The following EFHC2 variants were observed in gnomAD, a reference collection of about 807,000 sequenced individuals.
EFHC2 encodes the protein EF-hand domain containing 2, also known as EF-hand domain-containing family member C2.
EFHC2 carries 18 observed loss-of-function variants against 52.7 expected under a neutral mutation model. That is an observed-to-expected ratio of 0.34 (90% CI 0.24 to 0.51). EFHC2 has a LOEUF of 0.51. Among genes scored for constraint, EFHC2 ranks in the 20% least tolerant of loss-of-function variants. EFHC2 has a pLI of 0.97. For missense variants in EFHC2, 513 were observed against 562.5 expected (o/e 0.91, Z 0.89); for synonymous variants, 203 against 204.1 (o/e 0.99, Z 0.04).
At chrX:44,162,862 C>A (rs1476788371) in intron 14 of EFHC2, among the ~76,000 whole-genome samples, 1 of 111,495 alleles carries the variant, frequency 9.0e-6, no homozygotes, top group African/African-American at 3.3e-5. Context: ...CGTACCAATT[C>A]CCCCATCAGT....
chrX:44,173,129 G>A (rs983444650), intron 13 of EFHC2, among the ~76,000 whole-genome samples: 1 of 112,171 alleles, frequency 8.9e-6, no homozygotes, highest in East Asian at 2.8e-4. Context: ...ACAATTACTG[G>A]GTGAAAGAAA....
intron 1 of EFHC2, among the ~76,000 whole-genome samples, chrX:44,340,380 G>A (rs939008882): frequency 1.8e-5 from 2 of 111,334 alleles, no homozygotes; most frequent in African/African-American, 3.3e-5. Context: ...AGCCAGGCAC[G>A]GTGGCTCACG....
At chrX:44,288,483 T>A (rs183271305) in intron 2 of EFHC2, among the ~76,000 whole-genome samples, 1 of 110,740 alleles carries the variant, frequency 9.0e-6, no homozygotes, top group African/African-American at 3.3e-5. Flanking sequence ...AGACAATCAC[T>A]AACATTTGGA....
At position 44,148,054 on chromosome X, in the gene EFHC2, A is replaced by G. The variant is rs2036534760; in HGVS notation, c.*741T>C. On this transcript the variant is annotated 3_prime_UTR_variant, in exon 15 of 15. Transcript: ENST00000420999. ...TGTAAAACAAACCAAAAAAAAAACA[A>G]AAATCTCAAAATCTTCAGCTTTCAC... 9.0e-6 allele frequency: 1 copy of G among 111,436 alleles called. No individual in the cohort carries two copies. The highest frequency in any genetic ancestry group is 1.9e-5 in the Non-Finnish European group (1 of 53,088). 9.2% of individuals were successfully genotyped at this position (111,436 alleles called of 1,213,427 possible). A position where few individuals can be genotyped will look rare whatever the true frequency, so the allele number is the denominator to read the frequency against.
chrX:44,296,268 A>G (rs1021085414), intron 2 of EFHC2, among the ~76,000 whole-genome samples: 1 of 111,938 alleles, frequency 8.9e-6, no homozygotes, highest in Admixed American at 9.5e-5. Context: ...TTACCTACCC[A>G]TAAGAACCAA....
At chrX:44,169,699 A>G (rs2036727761) in intron 13 of EFHC2, among the ~76,000 whole-genome samples, 1 of 105,696 alleles carries the variant, frequency 9.5e-6, no homozygotes, top group Non-Finnish European at 1.9e-5. Flanking sequence ...GTTAAGCACA[A>G]TGAATCTATA....
At chrX:44,325,955 T>C (rs1418576741) in intron 1 of EFHC2, among the ~76,000 whole-genome samples, 3 of 107,320 alleles carry the variant, frequency 2.8e-5, no homozygotes, top group African/African-American at 1.0e-4. Context: ...TGCAGTGGCG[T>C]GATCACAGCT....
intron 11 of EFHC2, among the ~76,000 whole-genome samples, chrX:44,203,003 C>T (rs918402824): frequency 9.0e-6 from 1 of 111,299 alleles, no homozygotes; most frequent in Admixed American, 9.5e-5. Context: ...CAGATCTCCC[C>T]ACCAGGGCCC....
At chrX:44,163,295 G>T (rs2036671423) in intron 14 of EFHC2, among the ~76,000 whole-genome samples, 1 of 112,128 alleles carries the variant, frequency 8.9e-6, no homozygotes, top group Non-Finnish European at 1.9e-5. Flanking sequence ...TCTGGAGCAT[G>T]TTAAAATACA....
chrX:44,248,775 A>G, intron 6 of EFHC2, 28 bp downstream of exon 6: 1 of 1,143,132 alleles, frequency 8.7e-7, no homozygotes, highest in South Asian at 1.9e-5. Flanking sequence ...CACACTAGAA[A>G]CAGGTAATAA....
intron 11 of EFHC2, among the ~76,000 whole-genome samples, chrX:44,188,169 C>T (rs1280188339): frequency 2.6e-4 from 27 of 103,843 alleles, no homozygotes; most frequent in African/African-American, 8.1e-4. Flanking sequence ...TTGGTAGAGA[C>T]GGGGTTGGCT....
chrX:44,173,679 A>G (rs1487681001), intron 13 of EFHC2, among the ~76,000 whole-genome samples: 1 of 112,175 alleles, frequency 8.9e-6, no homozygotes, highest in Non-Finnish European at 1.9e-5. Context: ...TTAGCAGCTG[A>G]GCGGGATGAC....
At chrX:44,318,890 C>T (rs1021148381) in intron 1 of EFHC2, among the ~76,000 whole-genome samples, 4 of 111,099 alleles carry the variant, frequency 3.6e-5, no homozygotes, top group Non-Finnish European at 1.9e-5. Context: ...CAACAAGGAG[C>T]CATTAAAGTT....
intron 11 of EFHC2, among the ~76,000 whole-genome samples, chrX:44,217,896 T>A (rs957898835): frequency 6.2e-5 from 7 of 112,155 alleles, no homozygotes; most frequent in Admixed American, 2.8e-4. Context: ...GATGCCCCAT[T>A]TTCCATGATG....
At chrX:44,281,739 T>C (rs1468566860) in intron 2 of EFHC2, among the ~76,000 whole-genome samples, 1 of 112,284 alleles carries the variant, frequency 8.9e-6, no homozygotes, top group African/African-American at 3.2e-5. Flanking sequence ...TAACAAAACA[T>C]TTTAGAAAAT....
intron 14 of EFHC2, among the ~76,000 whole-genome samples, chrX:44,158,425 T>C (rs1247390386): frequency 1.8e-5 from 2 of 111,052 alleles, no homozygotes; most frequent in African/African-American, 3.3e-5. Context: ...GTCCGGCTCA[T>C]ATACTGGAGG....
chrX:44,219,400 T>C, intron 11 of EFHC2, among the ~76,000 whole-genome samples: 1 of 111,428 alleles, frequency 9.0e-6, no homozygotes, highest in Non-Finnish European at 1.9e-5. Context: ...AAATAAATAG[T>C]AAGCATGCTA....
At chrX:44,202,278 T>TG (rs2037012107) in intron 11 of EFHC2, among the ~76,000 whole-genome samples, 1 of 111,371 alleles carries the variant, frequency 9.0e-6, no homozygotes, top group Non-Finnish European at 1.9e-5. Context: ...CCGGGCGTGG[T>TG]GGTGGGCACC....
At chrX:44,195,685 T>G (rs1367886011) in intron 11 of EFHC2, among the ~76,000 whole-genome samples, 1 of 111,006 alleles carries the variant, frequency 9.0e-6, no homozygotes, top group African/African-American at 3.3e-5. Context: ...AGTATTCTGA[T>G]GGAATGATAT....
Sources: allele counts gnomAD v4.1 joint callset (sites outside exome capture counted in the v4.1 genomes callset), GRCh38; gene constraint gnomAD v4.1.1; transcripts MANE v1.5; gene names NCBI Gene and HGNC (gene_info 2026-07-23, HGNC 2026-07-21).